The following COL19A1 variants were observed in gnomAD, a reference collection of about 807,000 sequenced individuals.
COL19A1 encodes the protein collagen alpha-1(XIX) chain.
Under a neutral mutation model 190.2 loss-of-function variants are expected in COL19A1, and 159 were observed. That is an observed-to-expected ratio of 0.84 (90% confidence interval 0.73 to 0.95). The LOEUF (loss-of-function observed/expected upper bound fraction) is 0.95. Among genes scored for constraint, COL19A1 ranks in the 40% least tolerant of loss-of-function variants. The probability of loss-of-function intolerance (pLI) is 0.00; values close to 1 mark genes in which losing one functional copy is unlikely to be tolerated. For synonymous variants in COL19A1, 509 were observed against 458.9 expected, an observed-to-expected ratio of 1.11 and a Z score of -1.39; for missense variants, 1,418 against 1,431.9, an observed-to-expected ratio of 0.99 and a Z score of 0.16.
intron 19 of COL19A1, among the ~76,000 whole-genome samples, chr6:70,137,961 A>G (rs989364820): frequency 5.3e-5 from 8 of 152,170 alleles, no homozygotes; most frequent in African/African-American, 1.9e-4. Context: ...AAGGTCATCT[A>G]TTATCACCTG....
chr6:70,075,075 A>G (rs1351085620), intron 15 of COL19A1, among the ~76,000 whole-genome samples: 1 of 152,338 alleles, frequency 6.6e-6, no homozygotes, highest in East Asian at 1.9e-4. Context: ...AATTCTTGGC[A>G]TACAGATAAC....
chr6:70,132,152 C>A (rs956739726), intron 18 of COL19A1, among the ~76,000 whole-genome samples: 2 of 152,172 alleles, frequency 1.3e-5, no homozygotes, highest in African/African-American at 2.4e-5. Context: ...GTAATCACAG[C>A]ACTTTGGGAG....
In COL19A1 at chr6:70,206,339, C is replaced by T. The variant is rs191074315; in HGVS notation, c.3224-562C>T. Among the ~76,000 whole-genome samples the T allele has an allele frequency of 2.6e-5, 4 of 152,230 alleles. No individual in the cohort carries two copies. In the East Asian group the frequency reaches 7.7e-4, roughly 29 times the overall value. On this transcript the variant is annotated intron_variant, in intron 49 of 50. Coordinates refer to ENST00000620364, the MANE Select transcript of COL19A1 (RefSeq NM_001858.6). ...CAAAATCTCGCTATCAAGAGTATAACTAGTTGGGGCTGGGCATGGTGGCTC... is the reference window on the plus strand; with the variant it reads ...CAAAATCTCGCTATCAAGAGTATAATTAGTTGGGGCTGGGCATGGTGGCTC...
chr6:70,151,107 AG>A (rs1157577189), intron 30 of COL19A1, among the ~76,000 whole-genome samples: 1 of 152,186 alleles, frequency 6.6e-6, no homozygotes, highest in East Asian at 1.9e-4. Context: ...GACAGCATAA[AG>A]GTTGCCATGA....
Position 70,146,569 on chromosome 6 carries a change from A to C in COL19A1, c.1771-90A>C, listed in dbSNP as rs559891309. The C allele has an allele frequency of 3.4e-4, 314 of 915,200 alleles. 2 individuals carry two copies. The East Asian group carries it at 8.6e-3, about 25-fold the overall frequency. The allele number at this position is 915,200 out of a possible 1,614,324, so 56.7% of individuals were successfully genotyped here. A position where few individuals can be genotyped will look rare whatever the true frequency, so the allele number is the denominator to read the frequency against. ...GAAAAAGATTTATTCAAGCAAGATG[A>C]AGAGTGATGAAACATATTTTAGTTA... On this transcript the variant is annotated intron_variant, in intron 25 of 50. Coordinates refer to ENST00000620364, the MANE Select transcript of COL19A1 (RefSeq NM_001858.6).
At chr6:70,110,433 TA>T (rs1285016722) in intron 16 of COL19A1, among the ~76,000 whole-genome samples, 2 of 152,028 alleles carry the variant, frequency 1.3e-5, no homozygotes, top group South Asian at 2.1e-4. Context: ...TTTCATTTCT[TA>T]AAAAAAAGTA....
chr6:70,115,653 G>C (rs1457614898), intron 16 of COL19A1, among the ~76,000 whole-genome samples: 1 of 152,126 alleles, frequency 6.6e-6, no homozygotes, highest in Non-Finnish European at 1.5e-5. Context: ...TGTGGCCCAT[G>C]TTCTCTAGGG....
chr6:69,943,559 A>C (rs759988650), intron 9 of COL19A1, among the ~76,000 whole-genome samples: 1 of 152,120 alleles, frequency 6.6e-6, no homozygotes, highest in Admixed American at 6.6e-5. Flanking sequence ...TTAAGTTTTC[A>C]ATCCATTTTG....
intron 11 of COL19A1, among the ~76,000 whole-genome samples, chr6:70,005,054 G>A (rs184110724): frequency 4.6e-5 from 7 of 152,000 alleles, no homozygotes; most frequent in East Asian, 1.9e-4. Context: ...GGATGGTCTC[G>A]ATCTCCTAAC....
chr6:69,963,441 C>G (rs1366635757), intron 11 of COL19A1, among the ~76,000 whole-genome samples: 2 of 152,190 alleles, frequency 1.3e-5, no homozygotes, highest in Non-Finnish European at 2.9e-5. Flanking sequence ...CACATAATTA[C>G]CAGACCCAGA....
chr6:70,010,083 G>A (rs1328204209), intron 11 of COL19A1, among the ~76,000 whole-genome samples: 1 of 152,126 alleles, frequency 6.6e-6, no homozygotes, highest in Non-Finnish European at 1.5e-5. Flanking sequence ...GAAAGAAATA[G>A]TTAAAAATAT....
At chr6:70,021,918 C>T (rs1049910511) in intron 11 of COL19A1, among the ~76,000 whole-genome samples, 1 of 152,132 alleles carries the variant, frequency 6.6e-6, no homozygotes, top group African/African-American at 2.4e-5. Context: ...TTTATTTTAA[C>T]TTAAACCTAT....
chr6:70,072,959 TTTTATTTATTTA>T (rs70987496), intron 15 of COL19A1, among the ~76,000 whole-genome samples: 155 of 144,166 alleles, frequency 1.1e-3, no homozygotes, highest in Admixed American at 3.0e-3. Context: ...ATTGCCTGAA[TTTTATTTATTTA>T]TTTATTTATT....
At chr6:69,986,219 TTTTATATATA>T (rs1562061697) in intron 11 of COL19A1, among the ~76,000 whole-genome samples, 1 of 64,456 alleles carries the variant, frequency 1.6e-5, no homozygotes, top group African/African-American at 7.5e-5. Context: ...GACTTACACG[TTTTATATATA>T]TATATATATA....
chr6:70,064,049 C>T (rs1041490988), intron 14 of COL19A1, among the ~76,000 whole-genome samples: 8 of 152,160 alleles, frequency 5.3e-5, no homozygotes, highest in African/African-American at 1.9e-4. Context: ...ACCAGAGGTA[C>T]AAGGAGGAGC....
intron 11 of COL19A1, among the ~76,000 whole-genome samples, chr6:69,999,609 A>T (rs1355774495): frequency 6.6e-6 from 1 of 152,162 alleles, no homozygotes; most frequent in Non-Finnish European, 1.5e-5. Flanking sequence ...AATAATTTGA[A>T]TTAAGAGGAA....
chr6:70,182,668 G>C (rs1273854441), intron 44 of COL19A1, among the ~76,000 whole-genome samples: 2 of 152,302 alleles, frequency 1.3e-5, no homozygotes, highest in Admixed American at 6.5e-5. Context: ...TTAAGAGAAA[G>C]GAGAAAGCAG....
intron 46 of COL19A1, among the ~76,000 whole-genome samples, chr6:70,187,651 A>G (rs912250597): frequency 0.025 from 1,489 of 60,086 alleles, 88 homozygotes; most frequent in Middle Eastern, 0.048. Context: ...TGAATGTCCT[A>G]AAGTTTTTTT....
chr6:70,138,150 A>G (rs992578879), intron 19 of COL19A1, among the ~76,000 whole-genome samples: 2 of 152,174 alleles, frequency 1.3e-5, no homozygotes, highest in African/African-American at 4.8e-5. Flanking sequence ...AATAAAATCA[A>G]TGTATCAAAA....
Sources: gnomAD v4.1 joint callset for allele counts (sites outside exome capture counted in the v4.1 genomes callset) on GRCh38, gnomAD v4.1.1 for gene constraint, MANE v1.5 for transcripts, NCBI Gene and HGNC (gene_info 2026-07-23, HGNC 2026-07-21) for gene names.